Variants in DECR1 observed in about 807,000 individuals in gnomAD.
DECR1 encodes 2,4-dienoyl-CoA reductase [(3E)-enoyl-CoA-producing], mitochondrial.
A neutral mutation model predicts 38.8 loss-of-function variants in DECR1; 44 were observed. That is an observed-to-expected ratio of 1.13 (90% CI 0.89 to 1.46). DECR1 has a LOEUF of 1.46. Ranked by LOEUF, DECR1 falls within the 40% of genes most tolerant of loss-of-function variation. The probability of loss-of-function intolerance (pLI) is 0.00; values close to 1 mark genes in which losing one functional copy is unlikely to be tolerated. For missense variants in DECR1, 428 were observed against 405.5 expected (o/e 1.06, Z -0.48); for synonymous variants, 148 against 135.2 (o/e 1.09, Z -0.66).
At chr8:90,003,846 G>A (rs994650319) in intron 1 of DECR1, among the ~76,000 whole-genome samples, 4 of 152,150 alleles carry the variant, frequency 2.6e-5, no homozygotes, top group Non-Finnish European at 5.9e-5. Context: ...GGCTGAGGCA[G>A]GAGAATCGCT....
At chr8:90,044,052 A>G (rs1813827313) in intron 7 of DECR1, among the ~76,000 whole-genome samples, 1 of 152,192 alleles carries the variant, frequency 6.6e-6, no homozygotes, top group African/African-American at 2.4e-5. Context: ...TACCCAAATA[A>G]TAACTACTTA....
rs1813792305 is a variant in DECR1 at position 90,042,708 on chromosome 8, T to C, written c.666-20T>C. ...ATGGTATAATATTTCAGAATGTATG[T>C]TGTTGATTTTAATTTTTAGGTCTCT... On this transcript the variant is annotated intron_variant, in intron 6 of 9. Coordinates refer to ENST00000220764, the MANE Select transcript of DECR1 (RefSeq NM_001359.2). 1 of 1,597,664 alleles carries C rather than the reference T, an allele frequency of 6.3e-7. No homozygotes were observed.
intron 1 of DECR1, 117 bp from the exon 2 acceptor site, chr8:90,017,007 T>A: frequency 1.5e-6 from 1 of 679,410 alleles, no homozygotes; most frequent in East Asian, 2.7e-5. Flanking sequence ...ATGTTTGCAG[T>A]GAGTTTGTGT....
At chr8:90,015,404 C>T in intron 1 of DECR1, 1 of 296,768 alleles carries the variant, frequency 3.4e-6, no homozygotes, top group South Asian at 3.1e-5. Flanking sequence ...ATTGAATCTA[C>T]TACTTACTGT....
At chr8:90,047,747 C>T (rs1255590984) in intron 8 of DECR1, among the ~76,000 whole-genome samples, 3 of 152,248 alleles carry the variant, frequency 2.0e-5, no homozygotes, top group Non-Finnish European at 4.4e-5. Flanking sequence ...TTTAGCACCA[C>T]ATCTCACTTA....
At chr8:90,026,716 A>G (rs957440552) in intron 5 of DECR1, among the ~76,000 whole-genome samples, 5 of 151,594 alleles carry the variant, frequency 3.3e-5, no homozygotes, top group African/African-American at 4.9e-5. Context: ...TTGTGTTTCT[A>G]TCTCCTTCAG....
intron 8 of DECR1, among the ~76,000 whole-genome samples, chr8:90,046,272 C>G (rs575010275): frequency 2.6e-5 from 4 of 152,192 alleles, no homozygotes; most frequent in Admixed American, 2.0e-4. Flanking sequence ...GAACCCATCG[C>G]CAGAAAGCTA....
At chr8:90,041,212 T>C (rs558430936) in intron 6 of DECR1, among the ~76,000 whole-genome samples, 2 of 152,356 alleles carry the variant, frequency 1.3e-5, no homozygotes, top group South Asian at 4.1e-4. Flanking sequence ...TGCATTTCTC[T>C]AATGATCAGT....
At chr8:90,005,299 A>G (rs1189313257) in intron 1 of DECR1, 10 of 456,044 alleles carry the variant, frequency 2.2e-5, no homozygotes, top group Non-Finnish European at 4.0e-5. Flanking sequence ...TAGGCACCTT[A>G]CTAGGGATAT....
chr8:90,026,314 G>T (rs1813335931), intron 5 of DECR1, among the ~76,000 whole-genome samples: 1 of 152,130 alleles, frequency 6.6e-6, no homozygotes, highest in Non-Finnish European at 1.5e-5. Context: ...GCTCCTCTTT[G>T]TACCTCTGGT....
intron 4 of DECR1, among the ~76,000 whole-genome samples, chr8:90,019,883 AAAAC>A (rs1340007090): frequency 1.3e-5 from 2 of 152,240 alleles, no homozygotes; most frequent in Non-Finnish European, 2.9e-5. Context: ...GATTGATCAG[AAAAC>A]AAACTTGATT....
At chr8:90,005,941 A>G (rs1461519300) in intron 1 of DECR1, 1 of 452,634 alleles carries the variant, frequency 2.2e-6, no homozygotes, top group Non-Finnish European at 4.0e-6. Flanking sequence ...GGTGCCGGCA[A>G]GAGAGGAAGT....
rs1187455871 is a variant in DECR1, at chr8:90,001,523, C to T, written c.31C>T (p.Leu11=). The part of the protein sequence containing the change: MKLPARVFFT[L]GSRLPCGLAP... ...GCTACCGGCCAGGGTTTTCTTTACT[C>T]TGGGGTCCCGGCTGCCCTGTGGCCT... The change falls in exon 1 of 10, where the codon CTG becomes TTG. Residue 11 remains leucine (L), a synonymous_variant. Transcript: ENST00000220764. 6.8e-6 allele frequency: 11 copies of T among 1,613,886 alleles called. No individual in the cohort carries two copies. Among genetic ancestry groups the T allele is most frequent in the South Asian group, 1.1e-5 (1 of 91,084 alleles).
Position 90,001,530 on chromosome 8 carries a change from C to G in DECR1, c.38C>G (p.Ser13Cys). 1 of 1,613,908 alleles carries G rather than the reference C, an allele frequency of 6.2e-7. No individual in the cohort carries two copies. The highest frequency in any genetic ancestry group is 8.5e-7 in the Non-Finnish European group (1 of 1,179,898). The change falls in exon 1 of 10, where the codon TCC becomes TGC. Residue 13 changes from serine (S) to cysteine (C), a missense_variant. Coordinates refer to ENST00000220764, the MANE Select transcript of DECR1 (RefSeq NM_001359.2). Reference sequence around the variant, plus strand: ...GCCAGGGTTTTCTTTACTCTGGGGTCCCGGCTGCCCTGTGGCCTCGCTCCT... The same window carrying G: ...GCCAGGGTTTTCTTTACTCTGGGGTGCCGGCTGCCCTGTGGCCTCGCTCCT... ...LPARVFFTLGSRLPCGLAPRR... is the reference protein window; with the variant it reads ...LPARVFFTLGCRLPCGLAPRR...
At chr8:90,013,143 A>G (rs1812926770) in intron 1 of DECR1, among the ~76,000 whole-genome samples, 1 of 152,216 alleles carries the variant, frequency 6.6e-6, no homozygotes, top group Non-Finnish European at 1.5e-5. Context: ...GAGGAATGGA[A>G]TTTTAATGTG....
At chr8:90,047,377 T>C (rs939561022) in intron 8 of DECR1, among the ~76,000 whole-genome samples, 1 of 151,006 alleles carries the variant, frequency 6.6e-6, no homozygotes, top group Non-Finnish European at 1.5e-5. Flanking sequence ...AAGCAGGGGT[T>C]GCAATCCTAG....
At chr8:90,001,799 G>A (rs1812619733) in intron 1 of DECR1, among the ~76,000 whole-genome samples, 1 of 151,802 alleles carries the variant, frequency 6.6e-6, no homozygotes, top group Admixed American at 6.5e-5. Flanking sequence ...GGGGCTCAAA[G>A]AGAGAGGACA....
rs57505716 is a variant in DECR1 at position 90,013,399 on chromosome 8, G to GTTTTTTTTTT, written c.70-3711_70-3702dup. ...AAATAAAAGCCTTGCCTCTTCTTTC[G>GTTTTTTTTTT]TTTTTTTTTTTTTTTTTTTTTTTGT... On this transcript the variant is annotated intron_variant, in intron 1 of 9. Transcript: ENST00000220764. Among the ~76,000 whole-genome samples the GTTTTTTTTTT allele has an allele frequency of 5.1e-3, 394 of 77,952 alleles. 6 individuals are homozygous for GTTTTTTTTTT. Among genetic ancestry groups the GTTTTTTTTTT allele is most frequent in the East Asian group, 0.032 (71 of 2,186 alleles). The allele number at this position is 77,952 out of a possible 152,430, so 51.1% of individuals were successfully genotyped here. A position where few individuals can be genotyped will look rare whatever the true frequency, so the allele number is the denominator to read the frequency against.
intron 9 of DECR1, 28 bp downstream of exon 9, chr8:90,051,767 A>G (rs1586172264): frequency 6.2e-7 from 1 of 1,612,638 alleles, no homozygotes; most frequent in Non-Finnish European, 8.5e-7. Flanking sequence ...ATAATGTAAT[A>G]TCAGCAGCTA....
Sources: gnomAD v4.1 joint callset for allele counts (sites outside exome capture counted in the v4.1 genomes callset) on GRCh38, gnomAD v4.1.1 for gene constraint, MANE v1.5 for transcripts, NCBI Gene and HGNC (gene_info 2026-07-23, HGNC 2026-07-21) for gene names.